The following AK4 variants were observed in gnomAD, a reference collection of about 807,000 sequenced individuals.
The protein encoded by AK4 is adenylate kinase 4.
Under a neutral mutation model 24.6 loss-of-function variants are expected in AK4, and 13 were observed. The observed-to-expected ratio is 0.53, with a 90% CI of 0.34 to 0.84. The LOEUF (loss-of-function observed/expected upper bound fraction) is 0.84. AK4 is among the 40% of genes least tolerant of loss of function. The pLI is 0.01. For missense variants in AK4, 192 were observed against 288.2 expected, an observed-to-expected ratio of 0.67 and a Z score of 2.42; for synonymous variants, 88 against 107.0, an observed-to-expected ratio of 0.82 and a Z score of 1.10.
Position 65,228,746 on chromosome 1 carries a change from A to T in AK4, c.*2569A>T, listed in dbSNP as rs1431388840. 6.6e-6 allele frequency: 1 copy of T among 150,980 alleles called. No homozygotes were observed. Among genetic ancestry groups the T allele is most frequent in the South Asian group, 2.1e-4 (1 of 4,784 alleles). The allele number at this position is 150,980 out of a possible 1,614,324, so 9.4% of individuals were successfully genotyped here. A position where few individuals can be genotyped will look rare whatever the true frequency, so the allele number is the denominator to read the frequency against. ...GTTTTTTTTTTTTCTATTGCCACACATGACCGTTCCTTCACCTTTAAGCAA... is the reference window on the plus strand; with the variant it reads ...GTTTTTTTTTTTTCTATTGCCACACTTGACCGTTCCTTCACCTTTAAGCAA... On this transcript the variant is annotated 3_prime_UTR_variant, in exon 5 of 5. Coordinates refer to ENST00000327299, the MANE Select transcript of AK4 (RefSeq NM_013410.4).
chr1:65,193,800 C>T (rs113203611), intron 2 of AK4, among the ~76,000 whole-genome samples: 39 of 152,336 alleles, frequency 2.6e-4, no homozygotes, highest in African/African-American at 8.9e-4. Context: ...TATGGAGGCC[C>T]GACTGTATTT....
chr1:65,152,394 T>C (rs1348975425), intron 1 of AK4, among the ~76,000 whole-genome samples: 1 of 46,088 alleles, frequency 2.2e-5, no homozygotes, highest in African/African-American at 1.1e-4. Flanking sequence ...ATTTTTTTTT[T>C]TTTTTTTTTT....
At chr1:65,179,505 A>G (rs933112382) in intron 1 of AK4, among the ~76,000 whole-genome samples, 7 of 152,206 alleles carry the variant, frequency 4.6e-5, no homozygotes, top group Non-Finnish European at 8.8e-5. Flanking sequence ...CCTAGACTTC[A>G]TAGATATTTG....
chr1:65,222,726 A>T (rs922192379), intron 3 of AK4, among the ~76,000 whole-genome samples: 2 of 152,234 alleles, frequency 1.3e-5, no homozygotes, highest in Non-Finnish European at 2.9e-5. Flanking sequence ...CTCATAAATC[A>T]TAAGAATAAG....
At chr1:65,218,092 T>A (rs1279861398) in intron 2 of AK4, among the ~76,000 whole-genome samples, 1 of 152,204 alleles carries the variant, frequency 6.6e-6, no homozygotes, top group Non-Finnish European at 1.5e-5. Flanking sequence ...TTTATGATAG[T>A]CACCATGCTG....
chr1:65,190,798 G>A lies in AK4; in HGVS notation c.234G>A (p.Glu78=). The part of the protein sequence containing the change: ...VITRLMMSEL[E]NRRGQHWLLD... ...CACGCCTAATGATGTCCGAGTTGGAGAACAGGCGTGGCCAGCACTGGCTCC... is the reference window on the plus strand; with the variant it reads ...CACGCCTAATGATGTCCGAGTTGGAAAACAGGCGTGGCCAGCACTGGCTCC... Residue 78 remains glutamate (E), a synonymous_variant, in exon 2 of 5, where the codon GAG becomes GAA. Transcript: ENST00000327299. 1 of 1,614,172 alleles carries A rather than the reference G, an allele frequency of 6.2e-7. No homozygotes were observed. Among genetic ancestry groups the A allele is most frequent in the Non-Finnish European group, 8.5e-7 (1 of 1,180,014 alleles).
At chr1:65,193,955 G>T (rs117411649) in intron 2 of AK4, among the ~76,000 whole-genome samples, 12,755 of 152,214 alleles carry the variant, frequency 0.084, 710 homozygotes, top group Admixed American at 0.21. Flanking sequence ...AGCCGGGTGT[G>T]GTGGCATGTG....
chr1:65,215,144 T>TTTTTCTTTTC (rs61257497), intron 2 of AK4, among the ~76,000 whole-genome samples: 216 of 150,066 alleles, frequency 1.4e-3, no homozygotes, highest in African/African-American at 4.7e-3. Flanking sequence ...TCATTGATTT[T>TTTTTCTTTTC]TTTTCTTTTC....
intron 2 of AK4, among the ~76,000 whole-genome samples, chr1:65,209,695 A>G (rs1195013965): frequency 6.6e-6 from 1 of 152,234 alleles, no homozygotes; most frequent in Admixed American, 6.5e-5. Flanking sequence ...AATTTAAAGA[A>G]TGCTGAAGCT....
chr1:65,176,959 A>G (rs1650737667), intron 1 of AK4, among the ~76,000 whole-genome samples: 1 of 152,198 alleles, frequency 6.6e-6, no homozygotes, highest in Admixed American at 6.5e-5. Flanking sequence ...AAATTCTTTC[A>G]TTTTTAATCT....
chr1:65,153,031 C>G (rs12070239), intron 1 of AK4, among the ~76,000 whole-genome samples: 7,392 of 152,216 alleles, frequency 0.049, 473 homozygotes, highest in African/African-American at 0.15. Context: ...CCATTTCCCC[C>G]CCTAGCTGGG....
chr1:65,189,363 G>A (rs543394231), intron 1 of AK4, among the ~76,000 whole-genome samples: 3 of 144,592 alleles, frequency 2.1e-5, no homozygotes, highest in African/African-American at 7.8e-5. Flanking sequence ...ACTGCAACCT[G>A]CGCCTCCTGG....
Position 65,161,315 on chromosome 1 carries a change from C to T in AK4, c.145+12763C>T, listed in dbSNP as rs74083411. ...TGTCCCAGCATTAGGTATGGGGAGGCGTGCAAAAAAGTAAAACTTGTTCTC... is the reference window on the plus strand; with the variant it reads ...TGTCCCAGCATTAGGTATGGGGAGGTGTGCAAAAAAGTAAAACTTGTTCTC... On this transcript the variant is annotated intron_variant, in intron 1 of 4. Transcript: ENST00000327299. 3.3e-3 allele frequency among the ~76,000 whole-genome samples: 503 copies of T among 152,068 alleles called. 2 individuals carry two copies. Among genetic ancestry groups the T allele is most frequent in the Middle Eastern group, 0.01 (3 of 294 alleles).
chr1:65,181,217 A>G (rs987442440), intron 1 of AK4, among the ~76,000 whole-genome samples: 4 of 151,526 alleles, frequency 2.6e-5, no homozygotes, highest in Admixed American at 6.6e-5. Context: ...ACAGAGTGTT[A>G]TCAGTACCCC....
intron 1 of AK4, among the ~76,000 whole-genome samples, chr1:65,152,468 T>C (rs555574880): frequency 7.5e-4 from 101 of 134,448 alleles, no homozygotes; most frequent in African/African-American, 2.4e-3. Flanking sequence ...AGTGGCACAG[T>C]CTCGGCTCAC....
chr1:65,173,461 C>T (rs1456804120), intron 1 of AK4, among the ~76,000 whole-genome samples: 1 of 152,158 alleles, frequency 6.6e-6, no homozygotes, highest in Non-Finnish European at 1.5e-5. Flanking sequence ...TTTCTCTGGT[C>T]ACCTCTTCCT....
intron 1 of AK4, among the ~76,000 whole-genome samples, chr1:65,179,608 G>A (rs1357573662): frequency 3.9e-5 from 6 of 152,206 alleles, no homozygotes; most frequent in African/African-American, 9.6e-5. Flanking sequence ...GGAGGCCCGG[G>A]CAGGAGGATC....
intron 2 of AK4, among the ~76,000 whole-genome samples, chr1:65,213,626 A>G (rs1652037557): frequency 6.6e-6 from 1 of 151,956 alleles, no homozygotes. Context: ...TAATCAGCAC[A>G]CTCTCCATGT....
chr1:65,211,287 C>G (rs1271755609), intron 2 of AK4, among the ~76,000 whole-genome samples: 85 of 152,192 alleles, frequency 5.6e-4, no homozygotes, highest in Non-Finnish European at 2.9e-5. Flanking sequence ...AAGCAAGATG[C>G]AGAACATTTG....
Sources: allele counts gnomAD v4.1 joint callset (sites outside exome capture counted in the v4.1 genomes callset), GRCh38; gene constraint gnomAD v4.1.1; transcripts MANE v1.5; gene names NCBI Gene and HGNC (gene_info 2026-07-23, HGNC 2026-07-21).